Variants in KAT6B observed in about 807,000 individuals in gnomAD.
KAT6B encodes the protein lysine acetyltransferase 6B, also known as histone acetyltransferase KAT6B.
Under a neutral mutation model 187.5 loss-of-function variants are expected in KAT6B, and 10 were observed. The ratio of observed to expected loss-of-function variants is 0.05; its 90% CI spans 0.03 to 0.09. The LOEUF (loss-of-function observed/expected upper bound fraction) is 0.09, where lower values mean the gene tolerates loss of function less well. KAT6B is among the 10% of genes least tolerant of loss of function. KAT6B has a pLI of 1.00. For missense variants in KAT6B, 1,952 were observed against 2,558.9 expected, an observed-to-expected ratio of 0.76 and a Z score of 5.12; for synonymous variants, 861 against 926.8, an observed-to-expected ratio of 0.93 and a Z score of 1.29.
chr10:74,904,558 C>G (rs1404370003), intron 3 of KAT6B, among the ~76,000 whole-genome samples: 6 of 152,124 alleles, frequency 3.9e-5, no homozygotes, highest in Admixed American at 3.3e-4. Context: ...GTACAGGGGC[C>G]CAAATCTTGA....
At chr10:74,852,201 T>A (rs1389771054) in intron 3 of KAT6B, among the ~76,000 whole-genome samples, 1 of 152,216 alleles carries the variant, frequency 6.6e-6, no homozygotes, top group Non-Finnish European at 1.5e-5. Flanking sequence ...ATTGGTATCC[T>A]TTGTGTTGCA....
chr10:74,849,071 T>G (rs1842301925), intron 3 of KAT6B, among the ~76,000 whole-genome samples: 1 of 152,162 alleles, frequency 6.6e-6, no homozygotes, highest in Non-Finnish European at 1.5e-5. Flanking sequence ...AACCTCAGCA[T>G]CCCAGGTTCA....
At chr10:74,861,574 T>C (rs1175970623) in intron 3 of KAT6B, among the ~76,000 whole-genome samples, 1 of 152,182 alleles carries the variant, frequency 6.6e-6, no homozygotes, top group Non-Finnish European at 1.5e-5. Context: ...TAGCTATTAA[T>C]GTGGTAGAGC....
rs980782584 is a variant in KAT6B, at chr10:74,885,933, A to G, written c.621+42455A>G. Among the ~76,000 whole-genome samples the G allele has an allele frequency of 6.6e-5, 10 of 152,104 alleles. No homozygotes were observed. In the East Asian group the frequency reaches 1.7e-3, roughly 26 times the overall value. On this transcript the variant is annotated intron_variant, in intron 3 of 17. Coordinates refer to ENST00000287239, the MANE Select transcript of KAT6B (RefSeq NM_012330.4). The stretch of plus-strand genomic sequence containing the variant: ...TTTTTAGTGGAGACAGGGTTTCACC[A>G]TGTTGGCCAGGATGGTCTTGATCTC...
At chr10:74,880,333 C>CT (rs1564538945) in intron 3 of KAT6B, among the ~76,000 whole-genome samples, 1 of 152,130 alleles carries the variant, frequency 6.6e-6, no homozygotes. Flanking sequence ...GGTATGTGGC[C>CT]TTTTTTAAAA....
chr10:75,022,979 T>C (rs957459802), intron 16 of KAT6B, among the ~76,000 whole-genome samples: 3 of 152,206 alleles, frequency 2.0e-5, no homozygotes, highest in Non-Finnish European at 2.9e-5. Flanking sequence ...TTCTTTCTCT[T>C]GTTCTTGGCA....
At chr10:74,829,116 T>A (rs1421483746) in intron 1 of KAT6B, among the ~76,000 whole-genome samples, 1 of 152,140 alleles carries the variant, frequency 6.6e-6, no homozygotes, top group Non-Finnish European at 1.5e-5. Context: ...CAGAGGAAGT[T>A]TTGCTTACTA....
intron 13 of KAT6B, among the ~76,000 whole-genome samples, chr10:74,994,879 T>C (rs1333046560): frequency 6.6e-6 from 1 of 152,080 alleles, no homozygotes; most frequent in Non-Finnish European, 1.5e-5. Flanking sequence ...GTGTCACTGC[T>C]TCTAGCCCTC....
intron 3 of KAT6B, among the ~76,000 whole-genome samples, chr10:74,941,750 A>G (rs1205776579): frequency 2.0e-5 from 3 of 152,224 alleles, no homozygotes; most frequent in Admixed American, 6.5e-5. Flanking sequence ...GATGAAATCT[A>G]TCAAATCTTT....
At chr10:75,009,591 C>T (rs1225618876) in intron 13 of KAT6B, among the ~76,000 whole-genome samples, 2 of 152,120 alleles carry the variant, frequency 1.3e-5, no homozygotes, top group Non-Finnish European at 2.9e-5. Context: ...TCATCTACAA[C>T]CTAAGAGGTA....
chr10:74,896,057 C>T (rs902796379), intron 3 of KAT6B, among the ~76,000 whole-genome samples: 1 of 151,930 alleles, frequency 6.6e-6, no homozygotes, highest in African/African-American at 2.4e-5. Flanking sequence ...AGACTCAGCC[C>T]AGATGTGAAA....
chr10:74,855,653 C>T (rs1032981132), intron 3 of KAT6B, among the ~76,000 whole-genome samples: 2 of 152,162 alleles, frequency 1.3e-5, no homozygotes, highest in African/African-American at 2.4e-5. Flanking sequence ...AGGTAGACTC[C>T]TGGCAGTGTG....
At chr10:74,907,994 C>T (rs1465294356) in intron 3 of KAT6B, among the ~76,000 whole-genome samples, 1 of 152,182 alleles carries the variant, frequency 6.6e-6, no homozygotes, top group Non-Finnish European at 1.5e-5. Context: ...GTGATTGGAT[C>T]ACCAGGGCTT....
Position 74,842,697 on chromosome 10 carries a change from G to T in KAT6B, c.-161G>T. On this transcript the variant is annotated 5_prime_UTR_variant, in exon 3 of 18. Transcript: ENST00000287239. ...CAACATTGCCTGTTTGTCTGCTTTTGAATCTCTTAAGGATGGATGTTTGTA... is the reference window on the plus strand; with the variant it reads ...CAACATTGCCTGTTTGTCTGCTTTTTAATCTCTTAAGGATGGATGTTTGTA... 2.5e-6 allele frequency: 2 copies of T among 784,816 alleles called. No individual in the cohort carries two copies. The highest frequency in any genetic ancestry group is 4.2e-6 in the Non-Finnish European group (2 of 474,452). 48.6% of individuals were successfully genotyped at this position (784,816 alleles called of 1,614,324 possible).
chr10:74,954,559 T>G (rs1840540582), intron 3 of KAT6B, among the ~76,000 whole-genome samples: 1 of 152,246 alleles, frequency 6.6e-6, no homozygotes, highest in Non-Finnish European at 1.5e-5. Flanking sequence ...GTGTAAGTTT[T>G]GTACTCTGTA....
At chr10:75,026,004 AC>A (rs1459734983) in intron 17 of KAT6B, 2 of 152,250 alleles carry the variant, frequency 1.3e-5, no homozygotes, top group Non-Finnish European at 2.9e-5. Context: ...TACAAAAGAT[AC>A]AAAAATTAGT....
At chr10:74,966,573 T>C (rs1841486727) in intron 4 of KAT6B, among the ~76,000 whole-genome samples, 1 of 152,252 alleles carries the variant, frequency 6.6e-6, no homozygotes, top group African/African-American at 2.4e-5. Flanking sequence ...ATAAAACTAT[T>C]GTAAGCTACT....
Position 74,843,315 on chromosome 10 carries a change from G to A in KAT6B, c.458G>A (p.Arg153Gln). ...TNNPAFQQRL[R>Q]LGAKRAVNNG... ...AACCCAGCCTTTCAGCAGCGGCTGCGACTGGGGGCCAAACGCGCTGTGAAT... is the reference window on the plus strand; with the variant it reads ...AACCCAGCCTTTCAGCAGCGGCTGCAACTGGGGGCCAAACGCGCTGTGAAT... Residue 153 changes from arginine to glutamine, a missense_variant, in exon 3 of 18, where the codon CGA becomes CAA. Coordinates refer to ENST00000287239, the MANE Select transcript of KAT6B (RefSeq NM_012330.4). The A allele has an allele frequency of 6.2e-7, 1 of 1,613,592 alleles. No individual in the cohort carries two copies. The highest frequency in any genetic ancestry group is 8.5e-7 in the Non-Finnish European group (1 of 1,179,794).
chr10:74,931,806 G>A (rs905483395), intron 3 of KAT6B, among the ~76,000 whole-genome samples: 7 of 152,204 alleles, frequency 4.6e-5, no homozygotes, highest in Admixed American at 4.6e-4. Context: ...CGCCTCCTGG[G>A]TTCAAGCGAT....
Sources: allele counts gnomAD v4.1 joint callset (sites outside exome capture counted in the v4.1 genomes callset), GRCh38; gene constraint gnomAD v4.1.1; transcripts MANE v1.5; gene names NCBI Gene and HGNC (gene_info 2026-07-23, HGNC 2026-07-21).